MYLK: variants seen among roughly 807,000 people sequenced by gnomAD.
MYLK encodes myosin light chain kinase, smooth muscle.
Under a neutral mutation model 203.4 loss-of-function variants are expected in MYLK, and 106 were observed. That is an observed-to-expected ratio of 0.52 (90% CI 0.45 to 0.61). The LOEUF (loss-of-function observed/expected upper bound fraction) is 0.61, where lower values mean the gene tolerates loss of function less well. Ranked by LOEUF, MYLK falls within the 20% of genes least tolerant of loss-of-function variation. The pLI is 0.00. For synonymous variants in MYLK, 867 were observed against 959.5 expected (o/e 0.90, Z 1.78); for missense variants, 2,072 against 2,442.3 (o/e 0.85, Z 3.20).
At chr3:123,805,011 C>CT (rs999268904) in intron 3 of MYLK, among the ~76,000 whole-genome samples, 10 of 152,148 alleles carry the variant, frequency 6.6e-5, no homozygotes, top group African/African-American at 2.4e-4. Flanking sequence ...ATCCCAGACT[C>CT]TTATCAAGTG....
At chr3:123,669,342 T>C (rs547240573) in intron 20 of MYLK, among the ~76,000 whole-genome samples, 4 of 152,090 alleles carry the variant, frequency 2.6e-5, no homozygotes, top group Non-Finnish European at 5.9e-5. Context: ...ACCTGGGTAC[T>C]GAGGAGGAAA....
Position 123,640,402 on chromosome 3 carries a change from C to A in MYLK, c.4722G>T (p.Glu1574Asp). The A allele has an allele frequency of 6.2e-7, 1 of 1,613,942 alleles. No homozygotes were observed. Among genetic ancestry groups the A allele is most frequent in the Non-Finnish European group, 8.5e-7 (1 of 1,179,984 alleles). The change falls in exon 28 of 34, where the codon GAG becomes GAT. Residue 1574 changes from glutamate to aspartate, a missense_variant. By Grantham distance (45) the Glu-to-Asp change is conservative (BLOSUM62 2). This residue lies in a region of MYLK where 524 missense variants were observed against 782.4 expected (regional missense o/e 0.67). Coordinates refer to ENST00000360304, the MANE Select transcript of MYLK (RefSeq NM_053025.4). This position sits in a 1 kb window ranked among gnomAD's most constrained non-coding sequence, Gnocchi z 4.3. The stretch of plus-strand genomic sequence containing the variant: ...GCACGATGCCCTGCTTGTGGATGTA[C>A]TCCACTCCCTCCGAGATCTGCCGCA... Reference protein sequence around the residue: ...KYMRQISEGVEYIHKQGIVHL... With the variant: ...KYMRQISEGVDYIHKQGIVHL...
intron 4 of MYLK, among the ~76,000 whole-genome samples, chr3:123,775,881 T>G (rs564816490): frequency 6.6e-6 from 1 of 152,286 alleles, no homozygotes; most frequent in South Asian, 2.1e-4. Context: ...GGTTTTCACT[T>G]CTTAATCACC....
chr3:123,657,412 T>G lies in MYLK; in HGVS notation c.4002A>C (p.Pro1334=). Residue 1334 remains proline (P), a synonymous_variant, in exon 24 of 34, where the codon CCA becomes CCC. Transcript: ENST00000360304. ...NLTVVDKPDP[P]AGTPCASDIR... ...TGTCAGAGGCACAAGGTGTGCCAGC[T>G]GGGGGGTCTGGCTTATCTGGGGATA... The G allele has an allele frequency of 1.2e-6, 2 of 1,613,502 alleles. No individual in the cohort carries two copies. Among genetic ancestry groups the G allele is most frequent in the Non-Finnish European group, 1.7e-6 (2 of 1,180,012 alleles).
intron 4 of MYLK, among the ~76,000 whole-genome samples, chr3:123,769,367 A>C (rs556866363): frequency 1.4e-4 from 22 of 152,356 alleles, no homozygotes; most frequent in African/African-American, 4.8e-4. Context: ...CCCTTATGCC[A>C]GTAACACGGG....
At chr3:123,624,004 T>G (rs1366716156) in intron 31 of MYLK, 1 of 152,068 alleles carries the variant, frequency 6.6e-6, no homozygotes, top group African/African-American at 2.4e-5. Context: ...GAAAACCCTA[T>G]GGCTAATAAT....
chr3:123,720,388 C>T lies in MYLK; in HGVS notation c.1804+1740G>A, dbSNP rs115082954. ...AAGCCAGGACAGACATTGGATTAGT[C>T]CTTGGCTGTGGCTGTGGAGGGAGTA... On this transcript the variant is annotated intron_variant, in intron 13 of 33. Transcript: ENST00000360304. Among the ~76,000 whole-genome samples, 1,358 of 152,178 alleles carry T rather than the reference C, an allele frequency of 8.9e-3. 20 individuals are homozygous for T. Among genetic ancestry groups the T allele is most frequent in the African/African-American group, 0.029 (1,190 of 41,458 alleles).
chr3:123,636,347 C>A (rs2058643717), intron 29 of MYLK, among the ~76,000 whole-genome samples: 1 of 152,242 alleles, frequency 6.6e-6, no homozygotes, highest in Non-Finnish European at 1.5e-5. Flanking sequence ...CTGCCATGAT[C>A]CACTCTTGGG....
At chr3:123,761,394 C>T (rs553920226) in intron 4 of MYLK, among the ~76,000 whole-genome samples, 1 of 152,322 alleles carries the variant, frequency 6.6e-6, no homozygotes, top group East Asian at 1.9e-4. Flanking sequence ...ATCCACCACA[C>T]AAAGCATGCA....
chr3:123,794,085 T>C (rs2064895793), intron 3 of MYLK, among the ~76,000 whole-genome samples: 1 of 152,246 alleles, frequency 6.6e-6, no homozygotes, highest in Non-Finnish European at 1.5e-5. Flanking sequence ...GGCGATGCCC[T>C]GCCTCCTCAA....
chr3:123,803,377 T>G (rs984498967), intron 3 of MYLK, among the ~76,000 whole-genome samples: 1 of 152,164 alleles, frequency 6.6e-6, no homozygotes, highest in Admixed American at 6.5e-5. Context: ...TCAAAGTAGG[T>G]GCACAGGAGA....
intron 16 of MYLK, among the ~76,000 whole-genome samples, chr3:123,705,071 C>A (rs1443422562): frequency 6.6e-6 from 1 of 152,164 alleles, no homozygotes; most frequent in African/African-American, 2.4e-5. Flanking sequence ...AAACTACCCA[C>A]CCATACCTGC....
chr3:123,717,815 A>G (rs2061949172), intron 13 of MYLK, among the ~76,000 whole-genome samples: 1 of 150,200 alleles, frequency 6.7e-6, no homozygotes, highest in South Asian at 2.1e-4. Flanking sequence ...TGTTGGGGAA[A>G]GAAGGAATAT....
intron 24 of MYLK, among the ~76,000 whole-genome samples, chr3:123,649,519 A>G (rs1469117382): frequency 1.3e-5 from 2 of 152,164 alleles, no homozygotes; most frequent in African/African-American, 4.8e-5. Flanking sequence ...TTCAGAACCT[A>G]CACACAACTG....
chr3:123,701,452 G>C lies in MYLK; in HGVS notation c.2448C>G (p.Ala816=). ...GGGGCACTCACCGTGGAAGGGCTCT[G>C]GCAGAGCTGTTCTGTAGCATCAGTG... ...QVSLMLQNSS[A]RALPRGREPA... The change falls in exon 17 of 34, where the codon GCC becomes GCG. Residue 816 remains alanine (A), a synonymous_variant. Transcript: ENST00000360304. 5.0e-6 allele frequency: 8 copies of C among 1,614,086 alleles called. No individual in the cohort carries two copies. The highest frequency in any genetic ancestry group is 6.8e-6 in the Non-Finnish European group (8 of 1,180,018).
At chr3:123,770,156 C>CAAAAAAAAAA (rs59411359) in intron 4 of MYLK, among the ~76,000 whole-genome samples, 1 of 83,944 alleles carries the variant, frequency 1.2e-5, no homozygotes, top group African/African-American at 3.1e-5. Context: ...ACTAAAAATA[C>CAAAAAAAAAA]AAAAAAAAAA....
intron 2 of MYLK, among the ~76,000 whole-genome samples, chr3:123,857,673 G>A (rs1438714701): frequency 7.3e-5 from 11 of 150,384 alleles, no homozygotes; most frequent in African/African-American, 2.2e-4. Context: ...GGGAGGGATA[G>A]CATTGGGAGA....
intron 18 of MYLK, 94 bp from the exon 19 acceptor site, chr3:123,692,945 G>T: frequency 1.9e-6 from 2 of 1,043,964 alleles, no homozygotes; most frequent in Non-Finnish European, 3.0e-6. Flanking sequence ...CGCACGGGCA[G>T]CCTCTGGGAG....
At chr3:123,645,379 AGAATGTTAATG>A in intron 27 of MYLK, among the ~76,000 whole-genome samples, 1 of 152,352 alleles carries the variant, frequency 6.6e-6, no homozygotes, top group East Asian at 1.9e-4. Flanking sequence ...CTTGTGTGCC[AGAATGTTAATG>A]GCATGAGGGG....
Sources: gnomAD v4.1 joint callset for allele counts (sites outside exome capture counted in the v4.1 genomes callset) on GRCh38, gnomAD v4.1.1 for gene constraint, gnomAD v4.1.1 regional missense constraint, Gnocchi (gnomAD v3.1) non-coding constraint, MANE v1.5 for transcripts, NCBI Gene and HGNC (gene_info 2026-07-23, HGNC 2026-07-21) for gene names.